Variants in DCK observed in about 807,000 individuals in gnomAD.
DCK encodes deoxycytidine kinase.
A neutral mutation model predicts 38.3 loss-of-function variants in DCK; 23 were observed. That is an observed-to-expected ratio of 0.60 (90% CI 0.43 to 0.85). DCK has a LOEUF of 0.85. DCK is among the 40% of genes least tolerant of loss of function. The pLI is 0.00. For missense variants in DCK, 259 were observed against 304.4 expected (o/e 0.85, Z 1.11); for synonymous variants, 108 against 100.6 (o/e 1.07, Z -0.44).
chr4:71,023,322 G>T (rs1404550301), intron 3 of DCK, among the ~76,000 whole-genome samples: 1 of 152,174 alleles, frequency 6.6e-6, no homozygotes, highest in African/African-American at 2.4e-5. Flanking sequence ...GGTATATGAA[G>T]TAATCTGGCC....
In DCK at chr4:71,016,221, T is replaced by C. The variant is rs578171562; in HGVS notation, c.208-6146T>C. 8.0e-4 allele frequency among the ~76,000 whole-genome samples: 122 copies of C among 152,266 alleles called. 2 individuals carry two copies. Among genetic ancestry groups the C allele is most frequent in the African/African-American group, 2.8e-3 (117 of 41,552 alleles). On this transcript the variant is annotated intron_variant, in intron 2 of 6. Transcript: ENST00000286648. ...GAATAAAATACCTAGGAATCCAACT[T>C]ACAAGGGATGTGAAGGACCTCTTCA...
At chr4:71,026,614 CT>C (rs747104239) in intron 5 of DCK, 50 bp from the exon 6 acceptor site, 89 of 901,000 alleles carry the variant, frequency 9.9e-5, no homozygotes, top group Admixed American at 3.6e-4. Flanking sequence ...ATGTTTCTCT[CT>C]TTTTTTTGTT....
At chr4:71,003,383 C>T (rs951063491) in intron 2 of DCK, among the ~76,000 whole-genome samples, 2 of 152,150 alleles carry the variant, frequency 1.3e-5, no homozygotes, top group African/African-American at 4.8e-5. Context: ...TCTGGCTGCG[C>T]TTAACATTTT....
rs564125219 is a variant in DCK, at chr4:70,994,017, G to C, written c.91+91G>C. 4 of 932,600 alleles carry C rather than the reference G, an allele frequency of 4.3e-6. No homozygotes were observed. The African/African-American group carries it at 6.5e-5, about 15-fold the overall frequency. The allele number at this position is 932,600 out of a possible 1,614,324, so 57.8% of individuals were successfully genotyped here. On this transcript the variant is annotated intron_variant, in intron 1 of 6. Coordinates refer to ENST00000286648, the MANE Select transcript of DCK (RefSeq NM_000788.3). ...TCGCCGCATCTCTCTGCAGCAACTC[G>C]GTGAGGGCTTTCCCTCCAGCCTGGC...
At chr4:71,012,153 AC>A (rs932716944) in intron 2 of DCK, among the ~76,000 whole-genome samples, 21 of 151,876 alleles carry the variant, frequency 1.4e-4, no homozygotes, top group African/African-American at 4.4e-4. Flanking sequence ...TTTCTTCCCC[AC>A]CCCCCACAAT....
intron 2 of DCK, among the ~76,000 whole-genome samples, chr4:71,017,863 G>T (rs1740312482): frequency 6.6e-6 from 1 of 151,836 alleles, no homozygotes; most frequent in South Asian, 2.1e-4. Flanking sequence ...CACCAACATG[G>T]CACATGTATA....
intron 2 of DCK, among the ~76,000 whole-genome samples, chr4:71,020,290 T>A (rs566421889): frequency 4.3e-4 from 66 of 152,354 alleles, no homozygotes; most frequent in African/African-American, 1.5e-3. Context: ...AGATTTACTT[T>A]CAATTCTTTT....
At position 70,993,905 on chromosome 4, in the gene DCK, A is replaced by T. The variant is rs66878317; in HGVS notation, c.70A>T (p.Ile24Phe). The change falls in exon 1 of 7, where the codon ATC becomes TTC. Residue 24 changes from isoleucine (I) to phenylalanine (F), a missense_variant. By Grantham distance (21) the Ile-to-Phe change is conservative. This residue lies in a region of DCK where 159 missense variants were observed against 159.0 expected (regional missense o/e 1.00). Coordinates refer to ENST00000286648, the MANE Select transcript of DCK (RefSeq NM_000788.3). ...CTCTGAGGGGACCCGCATCAAGAAAATCTCCATCGAAGGGAACATCGGTAA... is the reference window on the plus strand; with the variant it reads ...CTCTGAGGGGACCCGCATCAAGAAATTCTCCATCGAAGGGAACATCGGTAA... The part of the protein sequence containing the change: ...ASSEGTRIKK[I>F]SIEGNIAAGK... 6.8e-6 allele frequency: 11 copies of T among 1,613,584 alleles called. No individual in the cohort carries two copies. The highest frequency in any genetic ancestry group is 9.3e-6 in the Non-Finnish European group (11 of 1,179,712).
Position 70,998,428 on chromosome 4 carries a change from A to G in DCK, c.207+246A>G, listed in dbSNP as rs1739708063. On this transcript the variant is annotated intron_variant, in intron 2 of 6. Coordinates refer to ENST00000286648, the MANE Select transcript of DCK (RefSeq NM_000788.3). ...AGAAAGAAATAATACAAAAAAATAC[A>G]AATAATAAAGGATTACTGTTCATAT... Among the ~76,000 whole-genome samples, 3 of 152,220 alleles carry G rather than the reference A, an allele frequency of 2.0e-5. No individual in the cohort carries two copies. The South Asian group carries it at 6.2e-4, about 32-fold the overall frequency.
intron 2 of DCK, among the ~76,000 whole-genome samples, chr4:71,004,908 G>A (rs1185824555): frequency 6.6e-6 from 1 of 152,196 alleles, no homozygotes; most frequent in African/African-American, 2.4e-5. Context: ...GTGGGGGTGG[G>A]ATCTGCTGAG....
chr4:71,027,919 A>C (rs1451098974), intron 6 of DCK, among the ~76,000 whole-genome samples: 1 of 152,212 alleles, frequency 6.6e-6, no homozygotes. Context: ...ATCATTTCAC[A>C]TTATTATATT....
chr4:71,016,849 A>T (rs1206356222), intron 2 of DCK, among the ~76,000 whole-genome samples: 1 of 152,340 alleles, frequency 6.6e-6, no homozygotes, highest in Non-Finnish European at 1.5e-5. Context: ...AACCTAGGCA[A>T]TACTATTTGG....
intron 2 of DCK, among the ~76,000 whole-genome samples, chr4:70,999,600 A>G (rs1023628882): frequency 5.3e-5 from 8 of 152,170 alleles, no homozygotes; most frequent in Admixed American, 1.3e-4. Context: ...TCGCCACACT[A>G]TCTTCCACAG....
chr4:71,029,344 T>C lies in DCK; in HGVS notation c.757-8T>C. The stretch of plus-strand genomic sequence containing the variant: ...ATTATACTGATTTTTTTTTCTTCCT[T>C]TCCTCAGGTCAAAGAGTTTTTGAGT... On this transcript the variant is annotated splice_polypyrimidine_tract_variant and splice_region_variant and intron_variant, in intron 6 of 6. Coordinates refer to ENST00000286648, the MANE Select transcript of DCK (RefSeq NM_000788.3). 2 of 1,585,560 alleles carry C rather than the reference T, an allele frequency of 1.3e-6. No individual in the cohort carries two copies. Among genetic ancestry groups the C allele is most frequent in the Non-Finnish European group, 1.7e-6 (2 of 1,165,550 alleles).
intron 2 of DCK, among the ~76,000 whole-genome samples, chr4:71,010,044 T>A (rs754159147): frequency 4.6e-5 from 7 of 152,188 alleles, no homozygotes; most frequent in Non-Finnish European, 8.8e-5. Context: ...CCTACTTTGA[T>A]GTTCTTGTTT....
In DCK at chr4:71,026,664, G is replaced by C; in HGVS notation, c.666-1G>C. 6.8e-7 allele frequency: 1 copy of C among 1,460,670 alleles called. No individual in the cohort carries two copies. The highest frequency in any genetic ancestry group is 9.5e-7 in the Non-Finnish European group (1 of 1,052,930). 90.5% of individuals were successfully genotyped at this position (1,460,670 alleles called of 1,614,324 possible). ...TTTTATTAATCTCTCTTTTTAAACA[G>C]AACCAACTTCGATTATCTTCAAGAG... is the stretch of plus-strand genomic sequence containing the variant. On this transcript the variant is annotated splice_acceptor_variant, in intron 5 of 6. Coordinates refer to ENST00000286648, the MANE Select transcript of DCK (RefSeq NM_000788.3). LOFTEE classifies it high-confidence loss of function.
Position 71,027,745 on chromosome 4 carries a change from A to G in DCK, c.756+990A>G, listed in dbSNP as rs73827082. Among the ~76,000 whole-genome samples, 732 of 152,300 alleles carry G rather than the reference A, an allele frequency of 4.8e-3. 12 individuals are homozygous for G. Among genetic ancestry groups the G allele is most frequent in the African/African-American group, 0.015 (643 of 41,578 alleles). On this transcript the variant is annotated intron_variant, in intron 6 of 6. Coordinates refer to ENST00000286648, the MANE Select transcript of DCK (RefSeq NM_000788.3). Reference sequence around the variant, plus strand: ...ACTAAAGCTTATCTGGAAAATTCCAATGACCTCTTCATACTACTAATGATG... The same window carrying G: ...ACTAAAGCTTATCTGGAAAATTCCAGTGACCTCTTCATACTACTAATGATG...
chr4:71,026,616 T>G, intron 5 of DCK, 49 bp from the exon 6 acceptor site: 1 of 920,218 alleles, frequency 1.1e-6, no homozygotes, highest in South Asian at 1.5e-5. Context: ...GTTTCTCTCT[T>G]TTTTTTGTTG....
intron 4 of DCK, among the ~76,000 whole-genome samples, chr4:71,023,935 A>G (rs146937779): frequency 2.5e-4 from 38 of 152,198 alleles, no homozygotes; most frequent in South Asian, 8.3e-4. Flanking sequence ...TGCTTCCTCA[A>G]TTCTTTTTTA....
Sources: gnomAD v4.1 joint callset for allele counts (sites outside exome capture counted in the v4.1 genomes callset) on GRCh38, gnomAD v4.1.1 for gene constraint, gnomAD v4.1.1 regional missense constraint, MANE v1.5 for transcripts, NCBI Gene and HGNC (gene_info 2026-07-23, HGNC 2026-07-21) for gene names.